EYA1: variants seen among roughly 807,000 people sequenced by gnomAD.
EYA1 encodes the protein protein phosphatase EYA1.
In EYA1, 16 loss-of-function variants were observed where a neutral mutation model predicts 82.0. The ratio of observed to expected loss-of-function variants is 0.20; its 90% CI spans 0.13 to 0.30. The LOEUF is 0.30. Among genes scored for constraint, EYA1 ranks in the 10% least tolerant of loss-of-function variants. EYA1 has a pLI of 1.00. For synonymous variants in EYA1, 261 were observed against 264.4 expected (o/e 0.99, Z 0.12); for missense variants, 633 against 730.7 (o/e 0.87, Z 1.54).
At chr8:71,315,468 G>A (rs1342739833) in intron 7 of EYA1, among the ~76,000 whole-genome samples, 1 of 152,172 alleles carries the variant, frequency 6.6e-6, no homozygotes, top group Non-Finnish European at 1.5e-5. Flanking sequence ...TCCTCAAGGA[G>A]ACCTGGATAC....
At chr8:71,539,520 G>C (rs191257944) in intron 1 of EYA1, among the ~76,000 whole-genome samples, 3 of 152,276 alleles carry the variant, frequency 2.0e-5, no homozygotes, top group Non-Finnish European at 1.5e-5. Context: ...AGGCCTCCCA[G>C]ACAACAAGGA....
intron 12 of EYA1, among the ~76,000 whole-genome samples, chr8:71,219,676 TATTAAC>T (rs1438556096): frequency 6.6e-6 from 1 of 152,206 alleles, no homozygotes; most frequent in African/African-American, 2.4e-5. Context: ...AATGCTTACT[TATTAAC>T]ATTTTAATTC....
intron 3 of EYA1, among the ~76,000 whole-genome samples, chr8:71,350,672 T>G (rs566429552): frequency 6.6e-6 from 1 of 152,178 alleles, no homozygotes; most frequent in South Asian, 2.1e-4. Context: ...TGAGTTTGAG[T>G]CTAAGCTTAC....
At chr8:71,360,680 G>C (rs542714762) in intron 1 of EYA1, among the ~76,000 whole-genome samples, 2 of 152,268 alleles carry the variant, frequency 1.3e-5, no homozygotes, top group East Asian at 3.9e-4. Context: ...GACTGTGGGG[G>C]AAAAGACTCA....
chr8:71,537,544 T>C (rs1200909604), intron 1 of EYA1, among the ~76,000 whole-genome samples: 9 of 152,204 alleles, frequency 5.9e-5, no homozygotes, highest in Admixed American at 5.9e-4. Context: ...CTGCCTTACA[T>C]TGGTAAAATG....
chr8:71,491,132 T>C (rs1450324443), intron 2 of EYA1, among the ~76,000 whole-genome samples: 1 of 152,208 alleles, frequency 6.6e-6, no homozygotes, highest in Non-Finnish European at 1.5e-5. Context: ...CACGTATAGC[T>C]GAGGGGCATC....
chr8:71,353,822 T>C (rs1015414217), intron 3 of EYA1, among the ~76,000 whole-genome samples: 2 of 152,182 alleles, frequency 1.3e-5, no homozygotes, highest in African/African-American at 4.8e-5. Flanking sequence ...GAGTTTTGTA[T>C]ATGGATGGAA....
chr8:71,339,142 T>C (rs1416282505), intron 3 of EYA1, among the ~76,000 whole-genome samples: 1 of 152,132 alleles, frequency 6.6e-6, no homozygotes, highest in Non-Finnish European at 1.5e-5. Context: ...TAGTTGCTAT[T>C]ACCCCTCATC....
chr8:71,368,869 G>T, intron 2 of EYA1, among the ~76,000 whole-genome samples: 1 of 151,278 alleles, frequency 6.6e-6, no homozygotes, highest in Admixed American at 6.6e-5. Flanking sequence ...ACGTGAAAAG[G>T]AAAAAAAATT....
chr8:71,303,799 C>G (rs763786471), intron 7 of EYA1, among the ~76,000 whole-genome samples: 1 of 142,498 alleles, frequency 7.0e-6, no homozygotes, highest in Non-Finnish European at 1.6e-5. Context: ...GAAGTAGGCT[C>G]GCCCGTACAT....
At chr8:71,360,013 A>T in intron 1 of EYA1, among the ~76,000 whole-genome samples, 1 of 152,204 alleles carries the variant, frequency 6.6e-6, no homozygotes, top group African/African-American at 2.4e-5. Context: ...CTTAAATTTT[A>T]AAAATAAAAA....
At chr8:71,331,870 CAG>C (rs1823917047) in intron 4 of EYA1, among the ~76,000 whole-genome samples, 1 of 152,094 alleles carries the variant, frequency 6.6e-6, no homozygotes, top group African/African-American at 2.4e-5. Flanking sequence ...TGTTTTGAGA[CAG>C]AGTCTCACTC....
intron 17 of EYA1, chr8:71,199,889 T>C (rs1461535042): frequency 5.8e-6 from 1 of 173,802 alleles, no homozygotes; most frequent in Non-Finnish European, 1.2e-5. Context: ...TTTATTTCCC[T>C]CAGTTATTCT....
At chr8:71,479,802 A>G (rs899403486) in intron 2 of EYA1, among the ~76,000 whole-genome samples, 1 of 152,060 alleles carries the variant, frequency 6.6e-6, no homozygotes, top group Non-Finnish European at 1.5e-5. Context: ...CCTGAACACC[A>G]CTCAACTGTG....
At chr8:71,334,354 T>C in intron 3 of EYA1, 180 bp from the exon 4 acceptor site, 1 of 674,002 alleles carries the variant, frequency 1.5e-6, no homozygotes, top group South Asian at 1.6e-5. Context: ...TATTAAGTTC[T>C]TTCCCCTTAG....
At chr8:71,450,284 T>C (rs1024726098) in intron 2 of EYA1, among the ~76,000 whole-genome samples, 3 of 152,236 alleles carry the variant, frequency 2.0e-5, no homozygotes, top group Non-Finnish European at 4.4e-5. Context: ...CATTCCTAGC[T>C]TTTGACTAAA....
rs574750485 is a variant in EYA1 at position 71,203,251 on chromosome 8, C to T, written c.1699-3831G>A. Reference sequence around the variant, plus strand: ...GGGTTGCTTCTAGGTCAAAGAAAGTCTGTGACTTTATTATCAAAACAAAGT... The same window carrying T: ...GGGTTGCTTCTAGGTCAAAGAAAGTTTGTGACTTTATTATCAAAACAAAGT... On this transcript the variant is annotated intron_variant, in intron 17 of 17. Transcript: ENST00000340726. Among the ~76,000 whole-genome samples the T allele has an allele frequency of 1.4e-3, 219 of 152,234 alleles. 1 individual carries two copies. The highest frequency in any genetic ancestry group is 6.8e-3 in the Middle Eastern group (2 of 294).
intron 2 of EYA1, among the ~76,000 whole-genome samples, chr8:71,451,516 C>T (rs78251169): frequency 4.6e-5 from 7 of 152,048 alleles, no homozygotes; most frequent in Non-Finnish European, 8.8e-5. Context: ...ATATGAAATA[C>T]CAATCTGGTT....
intron 2 of EYA1, among the ~76,000 whole-genome samples, chr8:71,500,498 T>C (rs1369412998): frequency 6.6e-6 from 1 of 152,166 alleles, no homozygotes; most frequent in Admixed American, 6.6e-5. Context: ...TGTTTCGGTG[T>C]TCCTCCTTTT....
Sources: allele counts gnomAD v4.1 joint callset (sites outside exome capture counted in the v4.1 genomes callset), GRCh38; gene constraint gnomAD v4.1.1; transcripts MANE v1.5; gene names NCBI Gene and HGNC (gene_info 2026-07-23, HGNC 2026-07-21).